TMEM178B: variants seen among roughly 807,000 people sequenced by gnomAD.
The protein encoded by TMEM178B is transmembrane protein 178B.
A neutral mutation model predicts 31.0 loss-of-function variants in TMEM178B; 5 were observed. The observed-to-expected ratio is 0.16, with a 90% CI of 0.08 to 0.34. The LOEUF (loss-of-function observed/expected upper bound fraction) is 0.34, where lower values mean the gene tolerates loss of function less well. Ranked by LOEUF, TMEM178B falls within the 10% of genes least tolerant of loss-of-function variation. TMEM178B has a pLI of 1.00. For missense variants in TMEM178B, 275 were observed against 400.3 expected, an observed-to-expected ratio of 0.69 and a Z score of 2.67; for synonymous variants, 164 against 164.0, an observed-to-expected ratio of 1.00 and a Z score of 0.00.
chr7:141,444,802 G>A (rs192330129), intron 3 of TMEM178B, among the ~76,000 whole-genome samples: 21 of 152,008 alleles, frequency 1.4e-4, no homozygotes, highest in East Asian at 7.8e-4. Flanking sequence ...TTGGCACCCC[G>A]TGTTGAAGAT....
intron 2 of TMEM178B, among the ~76,000 whole-genome samples, chr7:141,249,277 G>T (rs6464438): frequency 0.47 from 71,052 of 151,976 alleles, 17,032 homozygotes; most frequent in East Asian, 0.79. Flanking sequence ...GGGTTTCCAC[G>T]TTTGCTTGGG....
At position 141,310,798 on chromosome 7, in the gene TMEM178B, G is replaced by C. The variant is rs1316058266; in HGVS notation, c.496+98094G>C. On this transcript the variant is annotated intron_variant, in intron 2 of 3. Transcript: ENST00000565468. ...CATTTGACCCAGCAATCCATTACTGGATATATACCCAAAGGAATATAAATC... is the reference window on the plus strand; with the variant it reads ...CATTTGACCCAGCAATCCATTACTGCATATATACCCAAAGGAATATAAATC... Among the ~76,000 whole-genome samples the C allele has an allele frequency of 2.0e-5, 3 of 152,232 alleles. No individual in the cohort carries two copies. In the South Asian group the frequency reaches 6.2e-4, roughly 32 times the overall value.
rs140809502 is a variant in TMEM178B at position 141,251,128 on chromosome 7, A to T, written c.496+38424A>T. ...TCTGCTGGGCCCTGAGGATACAGTG[A>T]TGAGTGAGAGAACTCCTTCATCTCA... is the stretch of plus-strand genomic sequence containing the variant. On this transcript the variant is annotated intron_variant, in intron 2 of 3. Coordinates refer to ENST00000565468, the MANE Select transcript of TMEM178B (RefSeq NM_001195278.2). Among the ~76,000 whole-genome samples, 310 of 152,164 alleles carry T rather than the reference A, an allele frequency of 2.0e-3. 3 individuals are homozygous for T. The highest frequency in any genetic ancestry group is 7.0e-3 in the African/African-American group (289 of 41,516).
intron 2 of TMEM178B, among the ~76,000 whole-genome samples, chr7:141,288,717 C>T (rs771257327): frequency 3.3e-5 from 5 of 152,224 alleles, no homozygotes; most frequent in Middle Eastern, 3.4e-3. Flanking sequence ...TGCGGTTGTC[C>T]GAAGAGCCGT....
chr7:141,280,950 T>C (rs1798348433), intron 2 of TMEM178B, among the ~76,000 whole-genome samples: 1 of 152,262 alleles, frequency 6.6e-6, no homozygotes, highest in South Asian at 2.1e-4. Flanking sequence ...TGGTTTAATG[T>C]ACAAAGTGAA....
chr7:141,313,632 G>T (rs562580670), intron 2 of TMEM178B, among the ~76,000 whole-genome samples: 11 of 152,262 alleles, frequency 7.2e-5, no homozygotes, highest in African/African-American at 2.4e-4. Flanking sequence ...AACACTGTAT[G>T]CCCTTGGCTA....
rs1343298170 is a variant in TMEM178B, at chr7:141,344,431, A to G, written c.497-93177A>G. On this transcript the variant is annotated intron_variant, in intron 2 of 3. Coordinates refer to ENST00000565468, the MANE Select transcript of TMEM178B (RefSeq NM_001195278.2). This position sits in a 1 kb window ranked among gnomAD's most constrained non-coding sequence, Gnocchi z 4.1. ...ATTTGAAGGGATCCAACTAATGTTG[A>G]GTTCTGCTTTATAATGAAAAGTTAT... Among the ~76,000 whole-genome samples, 2 of 152,218 alleles carry G rather than the reference A, an allele frequency of 1.3e-5. No individual in the cohort carries two copies. Among genetic ancestry groups the G allele is most frequent in the South Asian group, 2.1e-4 (1 of 4,832 alleles).
At chr7:141,332,136 G>T (rs1799310079) in intron 2 of TMEM178B, among the ~76,000 whole-genome samples, 1 of 152,102 alleles carries the variant, frequency 6.6e-6, no homozygotes, top group Non-Finnish European at 1.5e-5. Flanking sequence ...GTTCTGAATT[G>T]TCTTGTGTTG....
At chr7:141,174,153 C>T (rs1796389808) in intron 1 of TMEM178B, among the ~76,000 whole-genome samples, 1 of 152,134 alleles carries the variant, frequency 6.6e-6, no homozygotes, top group African/African-American at 2.4e-5. Context: ...TGACGTTCCC[C>T]TCCCTGTGTC....
Position 141,378,192 on chromosome 7 carries a change from G to A in TMEM178B, c.497-59416G>A, listed in dbSNP as rs181660956. Among the ~76,000 whole-genome samples the A allele has an allele frequency of 6.6e-4, 100 of 152,226 alleles. 1 individual carries two copies. The highest frequency in any genetic ancestry group is 2.4e-3 in the African/African-American group (98 of 41,538). On this transcript the variant is annotated intron_variant, in intron 2 of 3. Coordinates refer to ENST00000565468, the MANE Select transcript of TMEM178B (RefSeq NM_001195278.2). ...CTGATGTTTTTCTCATAGTTAGACC[G>A]GGGTTACAGGCTTTGTGAGTCATAC...
intron 2 of TMEM178B, among the ~76,000 whole-genome samples, chr7:141,339,753 G>C (rs1402161655): frequency 1.3e-5 from 2 of 152,120 alleles, no homozygotes; most frequent in African/African-American, 4.8e-5. Context: ...ACCTGTCTAA[G>C]CTGGGGGAGA....
intron 2 of TMEM178B, among the ~76,000 whole-genome samples, chr7:141,247,185 CTA>C (rs1307279292): frequency 7.3e-6 from 1 of 137,446 alleles, no homozygotes; most frequent in Non-Finnish European, 1.5e-5. Flanking sequence ...AGATATCTCT[CTA>C]TATATAGGTT....
intron 1 of TMEM178B, among the ~76,000 whole-genome samples, chr7:141,104,157 G>A (rs764353003): frequency 3.5e-4 from 54 of 152,204 alleles, no homozygotes; most frequent in Non-Finnish European, 6.9e-4. Flanking sequence ...GCTTTTCCCC[G>A]ACCTCCTGAG....
chr7:141,419,595 A>G (rs1055082281), intron 2 of TMEM178B, among the ~76,000 whole-genome samples: 15 of 152,312 alleles, frequency 9.8e-5, no homozygotes, highest in African/African-American at 3.6e-4. Context: ...AAACCTAACC[A>G]GCTTCTCCCC....
intron 2 of TMEM178B, among the ~76,000 whole-genome samples, chr7:141,242,301 G>T (rs1035757446): frequency 6.6e-6 from 1 of 152,132 alleles, no homozygotes; most frequent in South Asian, 2.1e-4. Context: ...CATCAAAGTC[G>T]AAATTTACTT....
At chr7:141,317,909 A>T (rs890917581) in intron 2 of TMEM178B, among the ~76,000 whole-genome samples, 7 of 152,182 alleles carry the variant, frequency 4.6e-5, no homozygotes, top group African/African-American at 1.7e-4. Flanking sequence ...AAAGCTGCAG[A>T]ATGTGATTCT....
intron 1 of TMEM178B, among the ~76,000 whole-genome samples, chr7:141,155,735 C>T (rs1391759481): frequency 6.6e-6 from 1 of 152,082 alleles, no homozygotes; most frequent in Admixed American, 6.6e-5. Context: ...CAATCTCTGC[C>T]CAGACTTGGG....
the TMEM178B span, among the ~76,000 whole-genome samples, chr7:141,494,758 A>AT: frequency 3.3e-5 from 5 of 152,192 alleles, no homozygotes; most frequent in African/African-American, 7.2e-5. Flanking sequence ...AAACAAAAAA[A>AT]TTATGTTAAT....
chr7:141,334,237 T>C (rs1411143950), intron 2 of TMEM178B, among the ~76,000 whole-genome samples: 1 of 152,228 alleles, frequency 6.6e-6, no homozygotes, highest in Non-Finnish European at 1.5e-5. Flanking sequence ...GTCAGACCGA[T>C]GTGTGTTCGA....
Sources: gnomAD v4.1 joint callset for allele counts (sites outside exome capture counted in the v4.1 genomes callset) on GRCh38, gnomAD v4.1.1 for gene constraint, Gnocchi (gnomAD v3.1) non-coding constraint, MANE v1.5 for transcripts, NCBI Gene and HGNC (gene_info 2026-07-23, HGNC 2026-07-21) for gene names.